ZSWIM6: variants seen among roughly 807,000 people sequenced by gnomAD.
ZSWIM6 encodes zinc finger SWIM domain-containing protein 6.
ZSWIM6 carries 9 observed loss-of-function variants against 113.2 expected under a neutral mutation model. The ratio of observed to expected loss-of-function variants is 0.08; its 90% CI spans 0.05 to 0.14. The LOEUF is 0.14. ZSWIM6 is among the 10% of genes least tolerant of loss of function. The probability of loss-of-function intolerance (pLI) is 1.00; values close to 1 mark genes in which losing one functional copy is unlikely to be tolerated. For missense variants in ZSWIM6, 1,162 were observed against 1,552.2 expected (o/e 0.75, Z 4.22); for synonymous variants, 611 against 606.5 (o/e 1.01, Z -0.11).
chr5:61,507,665 A>G (rs1484904932), intron 4 of ZSWIM6, among the ~76,000 whole-genome samples: 1 of 152,090 alleles, frequency 6.6e-6, no homozygotes, highest in Non-Finnish European at 1.5e-5. Context: ...AATTTAAGCT[A>G]TTTGTAGATG....
chr5:61,364,413 G>A (rs1423060172), intron 1 of ZSWIM6, among the ~76,000 whole-genome samples: 2 of 151,836 alleles, frequency 1.3e-5, no homozygotes, highest in Admixed American at 6.6e-5. Context: ...AACTAAGAAT[G>A]TTTTTTATTT....
intron 1 of ZSWIM6, among the ~76,000 whole-genome samples, chr5:61,408,981 G>A (rs1175596243): frequency 6.6e-6 from 1 of 152,052 alleles, no homozygotes; most frequent in African/African-American, 2.4e-5. Context: ...TGACTGACCC[G>A]ACCGCGCAGA....
intron 2 of ZSWIM6, among the ~76,000 whole-genome samples, chr5:61,484,390 A>T (rs879594504): frequency 6.6e-6 from 1 of 152,224 alleles, no homozygotes; most frequent in African/African-American, 2.4e-5. Flanking sequence ...AGCTCAGTTT[A>T]TCAGAAGGAA....
intron 1 of ZSWIM6, among the ~76,000 whole-genome samples, chr5:61,422,596 G>A (rs1746376445): frequency 6.6e-6 from 1 of 151,974 alleles, no homozygotes; most frequent in Non-Finnish European, 1.5e-5. Context: ...TTCTGTTCCT[G>A]TGAAGAACGT....
intron 1 of ZSWIM6, among the ~76,000 whole-genome samples, chr5:61,411,139 G>C (rs960834510): frequency 6.6e-6 from 1 of 152,184 alleles, no homozygotes; most frequent in Admixed American, 6.5e-5. Context: ...GTGGAGCCTT[G>C]AGTGATTTGA....
chr5:61,392,425 ACAC>A (rs1207513113), intron 1 of ZSWIM6, among the ~76,000 whole-genome samples: 22 of 152,332 alleles, frequency 1.4e-4, no homozygotes, highest in African/African-American at 5.3e-4. Context: ...AATTCAGACA[ACAC>A]AGAAAATTGT....
chr5:61,334,412 A>G (rs1040937352), intron 1 of ZSWIM6, among the ~76,000 whole-genome samples: 1 of 152,190 alleles, frequency 6.6e-6, no homozygotes, highest in African/African-American at 2.4e-5. Flanking sequence ...CCGGCACCGA[A>G]TGAATGGGGA....
At chr5:61,341,773 G>A (rs1744552476) in intron 1 of ZSWIM6, among the ~76,000 whole-genome samples, 1 of 151,588 alleles carries the variant, frequency 6.6e-6, no homozygotes, top group African/African-American at 2.4e-5. Flanking sequence ...CTCCTTCACC[G>A]GTAAATAGTA....
intron 1 of ZSWIM6, chr5:61,390,675 C>A: frequency 1.2e-6 from 1 of 842,198 alleles, no homozygotes. Context: ...GCATTAAGCT[C>A]CTTCTTCCTT....
chr5:61,426,678 T>C (rs1205150049), intron 1 of ZSWIM6, among the ~76,000 whole-genome samples: 2 of 152,228 alleles, frequency 1.3e-5, no homozygotes, highest in East Asian at 1.9e-4. Context: ...AATGTCTCTT[T>C]ATCCTCCTTT....
intron 4 of ZSWIM6, among the ~76,000 whole-genome samples, chr5:61,519,328 C>T (rs754974540): frequency 1.8e-4 from 27 of 152,090 alleles, no homozygotes; most frequent in Non-Finnish European, 3.1e-4. Flanking sequence ...GTCCTTTTTC[C>T]CTGTGCTTAC....
rs116388196 is a variant in ZSWIM6, at chr5:61,377,784, C to G, written c.676+44836C>G. ...ATGTTTACAGCTCCACAAAGATAGA[C>G]AAATTTCCTTGATGTATGAAAAATG... On this transcript the variant is annotated intron_variant, in intron 1 of 13. Coordinates refer to ENST00000252744, the MANE Select transcript of ZSWIM6 (RefSeq NM_020928.2). Among the ~76,000 whole-genome samples, 916 of 149,994 alleles carry G rather than the reference C, an allele frequency of 6.1e-3. 10 individuals carry two copies. The highest frequency in any genetic ancestry group is 7.9e-3 in the Non-Finnish European group (533 of 67,614).
At chr5:61,347,075 A>G (rs968220763) in intron 1 of ZSWIM6, 1 of 152,942 alleles carries the variant, frequency 6.5e-6, no homozygotes, top group African/African-American at 2.4e-5. Flanking sequence ...AGTTTATTCA[A>G]AATTTACTGT....
intron 1 of ZSWIM6, among the ~76,000 whole-genome samples, chr5:61,347,967 A>G (rs1265920312): frequency 6.6e-6 from 1 of 152,220 alleles, no homozygotes; most frequent in East Asian, 1.9e-4. Flanking sequence ...CACGCCTGTA[A>G]TCCCAGCACT....
intron 3 of ZSWIM6, among the ~76,000 whole-genome samples, chr5:61,493,976 A>G (rs1439562032): frequency 2.6e-5 from 4 of 152,134 alleles, no homozygotes; most frequent in African/African-American, 4.8e-5. Context: ...TTTTCTTCAT[A>G]TGGATTCTAA....
At chr5:61,356,681 AATATATAATATACATATTTTAT>A in intron 1 of ZSWIM6, among the ~76,000 whole-genome samples, 1 of 142,258 alleles carries the variant, frequency 7.0e-6, no homozygotes, top group East Asian at 2.0e-4. Context: ...TATATAACAT[AATATATAATATACATATTTTAT>A]ATATATAATA....
chr5:61,515,518 A>C (rs937331368), intron 4 of ZSWIM6, among the ~76,000 whole-genome samples: 2 of 152,056 alleles, frequency 1.3e-5, no homozygotes, highest in Non-Finnish European at 2.9e-5. Context: ...TCATCCTTTT[A>C]TCAGAAACCT....
At chr5:61,385,779 G>T (rs992879157) in intron 1 of ZSWIM6, among the ~76,000 whole-genome samples, 4 of 152,212 alleles carry the variant, frequency 2.6e-5, no homozygotes, top group Non-Finnish European at 4.4e-5. Context: ...CCCAGGGTGT[G>T]CATAATCCTG....
chr5:61,458,521 A>G (rs1402009379), intron 1 of ZSWIM6, among the ~76,000 whole-genome samples: 1 of 152,036 alleles, frequency 6.6e-6, no homozygotes, highest in Non-Finnish European at 1.5e-5. Context: ...CTCCCTCCCA[A>G]CCTTCTGAAA....
Sources: gnomAD v4.1 joint callset for allele counts (sites outside exome capture counted in the v4.1 genomes callset) on GRCh38, gnomAD v4.1.1 for gene constraint, MANE v1.5 for transcripts, NCBI Gene and HGNC (gene_info 2026-07-23, HGNC 2026-07-21) for gene names.